The following CSMD3 variants were observed in gnomAD, a reference collection of about 807,000 sequenced individuals.
The protein encoded by CSMD3 is CUB and Sushi multiple domains 3.
A neutral mutation model predicts 435.2 loss-of-function variants in CSMD3; 177 were observed. The ratio of observed to expected loss-of-function variants is 0.41; its 90% CI spans 0.36 to 0.46. CSMD3 has a LOEUF of 0.46. Among genes scored for constraint, CSMD3 ranks in the 20% least tolerant of loss-of-function variants. The pLI is 0.34. For synonymous variants in CSMD3, 1,656 were observed against 1,520.5 expected, an observed-to-expected ratio of 1.09 and a Z score of -2.07; for missense variants, 4,265 against 4,504.6, an observed-to-expected ratio of 0.95 and a Z score of 1.52.
intron 59 of CSMD3, among the ~76,000 whole-genome samples, chr8:112,271,180 T>C (rs1817498731): frequency 6.6e-6 from 1 of 152,192 alleles, no homozygotes; most frequent in Non-Finnish European, 1.5e-5. Context: ...TGCAGACTTA[T>C]TTATTGACTT....
intron 3 of CSMD3, among the ~76,000 whole-genome samples, chr8:113,201,856 C>A (rs2092719201): frequency 6.6e-6 from 1 of 151,918 alleles, no homozygotes; most frequent in African/African-American, 2.4e-5. Flanking sequence ...ATCAAATATG[C>A]AATTTTTCAT....
chr8:113,268,004 C>G (rs1016659498), intron 3 of CSMD3, among the ~76,000 whole-genome samples: 2 of 151,392 alleles, frequency 1.3e-5, no homozygotes, highest in Non-Finnish European at 3.0e-5. Flanking sequence ...ATATACATTC[C>G]TCTAAATGCT....
At chr8:112,643,178 T>C (rs2074882304) in intron 20 of CSMD3, among the ~76,000 whole-genome samples, 2 of 152,060 alleles carry the variant, frequency 1.3e-5, no homozygotes, top group Non-Finnish European at 2.9e-5. Context: ...CCTTTTTTGG[T>C]ATAGCTCCAG....
intron 13 of CSMD3, among the ~76,000 whole-genome samples, chr8:112,715,074 G>C (rs1366614641): frequency 6.6e-6 from 1 of 151,804 alleles, no homozygotes. Flanking sequence ...TAATTATTCA[G>C]GGCAGAATTG....
At chr8:112,375,174 G>T (rs1187815591) in intron 38 of CSMD3, among the ~76,000 whole-genome samples, 1 of 152,046 alleles carries the variant, frequency 6.6e-6, no homozygotes, top group African/African-American at 2.4e-5. Flanking sequence ...TTGATTGCTT[G>T]TTTTATAGAA....
chr8:112,328,590 T>C (rs1313116723), intron 45 of CSMD3, among the ~76,000 whole-genome samples: 1 of 152,206 alleles, frequency 6.6e-6, no homozygotes, highest in Non-Finnish European at 1.5e-5. Context: ...AATGAATCAA[T>C]GATCTGATTT....
intron 38 of CSMD3, among the ~76,000 whole-genome samples, chr8:112,369,243 C>G (rs77757690): frequency 0.026 from 3,943 of 151,908 alleles, 81 homozygotes; most frequent in Non-Finnish European, 0.039. Context: ...AAACATTTAA[C>G]GCAGCTATAT....
chr8:112,727,080 T>A (rs1196380987), intron 13 of CSMD3, among the ~76,000 whole-genome samples: 2 of 151,784 alleles, frequency 1.3e-5, no homozygotes, highest in Non-Finnish European at 2.9e-5. Context: ...ACAGACTATA[T>A]TAAAAAATCT....
chr8:112,793,785 G>T (rs905448263), intron 13 of CSMD3, among the ~76,000 whole-genome samples: 3 of 152,150 alleles, frequency 2.0e-5, no homozygotes, highest in African/African-American at 7.2e-5. Context: ...AGAACTCAGT[G>T]ATTGGTAAAA....
chr8:113,236,440 G>A (rs1001643216), intron 3 of CSMD3, among the ~76,000 whole-genome samples: 1 of 152,110 alleles, frequency 6.6e-6, no homozygotes, highest in Non-Finnish European at 1.5e-5. Context: ...CCTACCAGCA[G>A]CACAATAAGC....
intron 5 of CSMD3, among the ~76,000 whole-genome samples, chr8:113,053,459 G>A (rs911327413): frequency 1.3e-5 from 2 of 151,932 alleles, no homozygotes; most frequent in Admixed American, 6.6e-5. Context: ...ATAATTATAT[G>A]TGCATGTGGA....
chr8:113,242,086 A>C (rs1168829494), intron 3 of CSMD3, among the ~76,000 whole-genome samples: 1 of 151,688 alleles, frequency 6.6e-6, no homozygotes, highest in Non-Finnish European at 1.5e-5. Context: ...GTAATGTCTT[A>C]TAAAATTAAA....
At chr8:112,317,177 T>A (rs1235730098) in intron 47 of CSMD3, among the ~76,000 whole-genome samples, 1 of 152,008 alleles carries the variant, frequency 6.6e-6, no homozygotes, top group Non-Finnish European at 1.5e-5. Flanking sequence ...ATGTTTTCTG[T>A]ATTCTCCACA....
intron 7 of CSMD3, among the ~76,000 whole-genome samples, chr8:112,968,832 C>G (rs956885161): frequency 7.9e-5 from 12 of 151,826 alleles, no homozygotes; most frequent in Non-Finnish European, 1.8e-4. Flanking sequence ...ACATTAGTAT[C>G]CATAAAAATA....
chr8:112,317,705 T>C (rs1268643784), intron 47 of CSMD3, among the ~76,000 whole-genome samples: 1 of 152,028 alleles, frequency 6.6e-6, no homozygotes, highest in Non-Finnish European at 1.5e-5. Flanking sequence ...CTCCAATTTA[T>C]ACCCCCACAC....
At chr8:113,141,326 AAGATAGT>A (rs1040723864) in intron 4 of CSMD3, among the ~76,000 whole-genome samples, 70 of 150,890 alleles carry the variant, frequency 4.6e-4, no homozygotes, top group African/African-American at 1.6e-3. Context: ...TGATTTTATT[AAGATAGT>A]ATCTTTTGAT....
intron 1 of CSMD3, chr8:113,377,259 T>G (rs1003224354): frequency 5.4e-6 from 2 of 373,370 alleles, no homozygotes; most frequent in Admixed American, 4.5e-5. Flanking sequence ...CCGTGGAGCC[T>G]ACCCTCTTAT....
At chr8:112,477,359 T>C (rs775435577) in intron 31 of CSMD3, among the ~76,000 whole-genome samples, 3 of 152,172 alleles carry the variant, frequency 2.0e-5, no homozygotes, top group African/African-American at 4.8e-5. Context: ...CTGGGTTCTA[T>C]TGAGGGAATA....
chr8:113,018,442 CT>C (rs369762604), intron 6 of CSMD3, among the ~76,000 whole-genome samples: 1 of 151,838 alleles, frequency 6.6e-6, no homozygotes, highest in African/African-American at 2.4e-5. Flanking sequence ...TGATACACTA[CT>C]GAGAATGAAA....
Sources: allele counts gnomAD v4.1 joint callset (sites outside exome capture counted in the v4.1 genomes callset), GRCh38; gene constraint gnomAD v4.1.1; transcripts MANE v1.5; gene names NCBI Gene and HGNC (gene_info 2026-07-23, HGNC 2026-07-21).